The following ZSWIM7 variants were observed in gnomAD, a reference collection of about 807,000 sequenced individuals.
ZSWIM7 encodes zinc finger SWIM domain-containing protein 7.
Under a neutral mutation model 21.1 loss-of-function variants are expected in ZSWIM7, and 22 were observed. The observed-to-expected ratio is 1.04, with a 90% CI of 0.74 to 1.49. The LOEUF is 1.49. Ranked by LOEUF, ZSWIM7 falls within the 40% of genes most tolerant of loss-of-function variation. ZSWIM7 has a pLI of 0.00. For missense variants in ZSWIM7, 193 were observed against 168.0 expected, an observed-to-expected ratio of 1.15 and a Z score of -0.82; for synonymous variants, 67 against 66.5, an observed-to-expected ratio of 1.01 and a Z score of -0.04.
chr17:15,979,610 G>C (rs1227204298), intron 4 of ZSWIM7, among the ~76,000 whole-genome samples: 1 of 146,792 alleles, frequency 6.8e-6, no homozygotes, highest in Non-Finnish European at 1.5e-5. Flanking sequence ...GGCTGGCCAG[G>C]CGGGGGGCTG....
chr17:15,982,368 A>AT (rs979557677), intron 3 of ZSWIM7, among the ~76,000 whole-genome samples: 6 of 152,170 alleles, frequency 3.9e-5, no homozygotes, highest in Admixed American at 3.9e-4. Context: ...CCTGAGGGTG[A>AT]TTTTATAATG....
intron 4 of ZSWIM7, among the ~76,000 whole-genome samples, chr17:15,980,025 G>A (rs1298283948): frequency 7.1e-6 from 1 of 141,770 alleles, no homozygotes; most frequent in South Asian, 2.3e-4. Flanking sequence ...GCGGCTGGCC[G>A]GGCGGGGGGC....
chr17:15,987,549 G>A (rs1449251136), intron 2 of ZSWIM7, among the ~76,000 whole-genome samples, 181 bp from the exon 3 acceptor site: 1 of 152,038 alleles, frequency 6.6e-6, no homozygotes, highest in African/African-American at 2.4e-5. Context: ...AATATCTTGT[G>A]TACTTATTTC....
intron 3 of ZSWIM7, among the ~76,000 whole-genome samples, chr17:15,984,968 C>G (rs1293496109): frequency 6.6e-6 from 1 of 152,098 alleles, no homozygotes; most frequent in African/African-American, 2.4e-5. Flanking sequence ...CATAACTTAG[C>G]CTCTCCTGAC....
intron 1 of ZSWIM7, among the ~76,000 whole-genome samples, chr17:15,996,067 T>C (rs1487049689): frequency 6.6e-6 from 1 of 152,116 alleles, no homozygotes; most frequent in East Asian, 1.9e-4. Flanking sequence ...ATCACTTAAG[T>C]GTAAGGGCAG....
intron 4 of ZSWIM7, 90 bp from the exon 5 acceptor site, chr17:15,978,253 C>A: frequency 1.1e-6 from 1 of 903,944 alleles, no homozygotes. Flanking sequence ...TCTTATTTGG[C>A]AGGAGAAGAC....
intron 4 of ZSWIM7, among the ~76,000 whole-genome samples, chr17:15,980,757 T>G (rs1479527966): frequency 1.3e-5 from 2 of 152,224 alleles, no homozygotes; most frequent in Non-Finnish European, 2.9e-5. Context: ...TGGGGCCATC[T>G]AATTCCCCAG....
chr17:15,989,815 G>A (rs7216949), intron 2 of ZSWIM7, among the ~76,000 whole-genome samples: 95,390 of 151,820 alleles, frequency 0.63, 31,183 homozygotes, highest in African/African-American at 0.81. Context: ...TTGATTTTGT[G>A]GAGACAGGGT....
chr17:15,979,470 T>G (rs531157033), intron 4 of ZSWIM7, among the ~76,000 whole-genome samples: 1,521 of 149,948 alleles, frequency 0.01, 26 homozygotes, highest in African/African-American at 0.037. Context: ...AAACCGCCAT[T>G]GTCATCATGG....
chr17:15,981,700 C>G lies in ZSWIM7; in HGVS notation c.202-556G>C, dbSNP rs144583792. ...GAGGTGGGAGGATCACTTGACCCCCCCCAGAGTTCAAGACCAGCATGGGCA... is the reference window on the plus strand; with the variant it reads ...GAGGTGGGAGGATCACTTGACCCCCGCCAGAGTTCAAGACCAGCATGGGCA... On this transcript the variant is annotated intron_variant, in intron 3 of 4. Transcript: ENST00000399277. Among the ~76,000 whole-genome samples the G allele has an allele frequency of 1.1e-4, 17 of 152,140 alleles. No homozygotes were observed. In the East Asian group the frequency reaches 2.7e-3, roughly 24 times the overall value.
At chr17:15,986,429 TACC>T (rs1478734692) in intron 3 of ZSWIM7, among the ~76,000 whole-genome samples, 1 of 152,042 alleles carries the variant, frequency 6.6e-6, no homozygotes, top group South Asian at 2.1e-4. Flanking sequence ...GAATGACAAA[TACC>T]ACATGATCTC....
At chr17:15,987,429 G>T (rs967717208) in intron 2 of ZSWIM7, 61 bp from the exon 3 acceptor site, 1 of 1,368,220 alleles carries the variant, frequency 7.3e-7, no homozygotes, top group Non-Finnish European at 1.0e-6. Flanking sequence ...TCAGTAACTT[G>T]CCCAAAGGAT....
chr17:15,983,288 TG>T lies in ZSWIM7; in HGVS notation c.202-2145del, dbSNP rs1369196960. ...TGAACCCGGGAGACAGAGGTGGCAG[TG>T]GGCCAAGACTGCATCACTGTACTCC... On this transcript the variant is annotated intron_variant, in intron 3 of 4. Transcript: ENST00000399277. Among the ~76,000 whole-genome samples the T allele has an allele frequency of 2.4e-5, 3 of 123,122 alleles. No individual in the cohort carries two copies. The East Asian group carries it at 7.1e-4, about 29-fold the overall frequency. The allele number at this position is 123,122 out of a possible 152,430, so 80.8% of individuals were successfully genotyped here. A position where few individuals can be genotyped will look rare whatever the true frequency, so the allele number is the denominator to read the frequency against.
chr17:15,996,159 C>G (rs1007009980), intron 1 of ZSWIM7, among the ~76,000 whole-genome samples: 1 of 152,048 alleles, frequency 6.6e-6, no homozygotes, highest in South Asian at 2.1e-4. Context: ...AACTATTAGC[C>G]GGGCATGGTG....
At chr17:15,999,490 C>T (rs775029781) in intron 1 of ZSWIM7, 29 bp downstream of exon 1, 2 of 1,594,066 alleles carry the variant, frequency 1.3e-6, no homozygotes, top group African/African-American at 1.3e-5. Flanking sequence ...GCGCCCATGG[C>T]GCAGCCACAC....
At chr17:15,994,103 C>G (rs1230683182) in intron 1 of ZSWIM7, among the ~76,000 whole-genome samples, 1 of 152,186 alleles carries the variant, frequency 6.6e-6, no homozygotes, top group African/African-American at 2.4e-5. Flanking sequence ...CATGCACTAC[C>G]ATGCCCAGCT....
chr17:15,979,195 C>G (rs1053723535), intron 4 of ZSWIM7, among the ~76,000 whole-genome samples: 19 of 151,840 alleles, frequency 1.3e-4, no homozygotes, highest in East Asian at 5.8e-4. Flanking sequence ...TGACTCTTAA[C>G]GAGCATGCTG....
intron 2 of ZSWIM7, among the ~76,000 whole-genome samples, chr17:15,993,029 C>T (rs1237475034): frequency 6.6e-6 from 1 of 151,378 alleles, no homozygotes; most frequent in Non-Finnish European, 1.5e-5. Flanking sequence ...CAGGTGTGTG[C>T]CACCACATCC....
chr17:15,983,457 C>T (rs1000292514), intron 3 of ZSWIM7, among the ~76,000 whole-genome samples: 7 of 151,406 alleles, frequency 4.6e-5, no homozygotes, highest in Admixed American at 2.6e-4. Context: ...GAACATATCA[C>T]CGAGACCATT....
Sources: allele counts gnomAD v4.1 joint callset (sites outside exome capture counted in the v4.1 genomes callset), GRCh38; gene constraint gnomAD v4.1.1; transcripts MANE v1.5; gene names NCBI Gene and HGNC (gene_info 2026-07-23, HGNC 2026-07-21).